Variants in TCF12 observed in about 807,000 individuals in gnomAD.
TCF12 encodes the protein DNA-binding protein HTF4.
In TCF12, 45 loss-of-function variants were observed where a neutral mutation model predicts 86.0. The ratio of observed to expected loss-of-function variants is 0.52; its 90% CI spans 0.41 to 0.67. The LOEUF is 0.67. Among genes scored for constraint, TCF12 ranks in the 30% least tolerant of loss-of-function variants. The pLI, the probability that TCF12 is intolerant of heterozygous loss-of-function variation, is 0.00. For synonymous variants in TCF12, 330 were observed against 299.6 expected, an observed-to-expected ratio of 1.10 and a Z score of -1.05; for missense variants, 881 against 859.9, an observed-to-expected ratio of 1.02 and a Z score of -0.31.
chr15:57,032,589 C>T (rs543754282), intron 3 of TCF12, among the ~76,000 whole-genome samples: 103 of 152,178 alleles, frequency 6.8e-4, no homozygotes, highest in African/African-American at 2.5e-3. Context: ...GGACTACAGG[C>T]ATATGCCACC....
At chr15:57,112,806 T>A (rs1394379414) in intron 5 of TCF12, among the ~76,000 whole-genome samples, 1 of 152,210 alleles carries the variant, frequency 6.6e-6, no homozygotes, top group East Asian at 1.9e-4. Context: ...TCAGACTTTG[T>A]ACTTAATAAG....
At chr15:57,151,373 GA>G (rs10711897) in intron 5 of TCF12, among the ~76,000 whole-genome samples, 140,796 of 151,860 alleles carry the variant, frequency 0.93, 65,731 homozygotes, top group Non-Finnish European at 0.98. Context: ...CACTTCAGAA[GA>G]AAAAAAATCA....
chr15:57,088,130 C>T (rs2048765256), intron 4 of TCF12, among the ~76,000 whole-genome samples: 2 of 152,194 alleles, frequency 1.3e-5, no homozygotes, highest in Admixed American at 1.3e-4. Flanking sequence ...CACTCGGGCT[C>T]CAACTTAACC....
At chr15:57,248,380 G>T (rs1468260737) in intron 13 of TCF12, among the ~76,000 whole-genome samples, 1 of 152,196 alleles carries the variant, frequency 6.6e-6, no homozygotes, top group South Asian at 2.1e-4. Context: ...GAATGGCTTT[G>T]TTTACTACAG....
chr15:57,233,649 C>A (rs1453717884), intron 11 of TCF12, among the ~76,000 whole-genome samples: 2 of 152,078 alleles, frequency 1.3e-5, no homozygotes, highest in Non-Finnish European at 2.9e-5. Flanking sequence ...AGCTAATTTT[C>A]CATTTTTAGC....
intron 5 of TCF12, among the ~76,000 whole-genome samples, chr15:57,094,472 C>G (rs1459105999): frequency 1.3e-5 from 2 of 152,280 alleles, no homozygotes; most frequent in South Asian, 2.1e-4. Context: ...GGCAATTCAA[C>G]TTGATATGAG....
At chr15:57,133,204 G>C (rs557593223) in intron 5 of TCF12, among the ~76,000 whole-genome samples, 1 of 152,322 alleles carries the variant, frequency 6.6e-6, no homozygotes, top group East Asian at 1.9e-4. Flanking sequence ...TGTTACCATT[G>C]ATCTGAGCCT....
intron 3 of TCF12, among the ~76,000 whole-genome samples, chr15:57,015,844 A>G (rs1241851189): frequency 6.6e-6 from 1 of 152,184 alleles, no homozygotes; most frequent in Non-Finnish European, 1.5e-5. Flanking sequence ...ATTGTAAACA[A>G]CACTTCTTTC....
At chr15:57,018,835 T>C (rs1729520043) in intron 3 of TCF12, among the ~76,000 whole-genome samples, 1 of 152,180 alleles carries the variant, frequency 6.6e-6, no homozygotes, top group Non-Finnish European at 1.5e-5. Flanking sequence ...GAAACAATAA[T>C]AACAAAAGTT....
intron 7 of TCF12, among the ~76,000 whole-genome samples, chr15:57,194,918 T>C (rs1350799576): frequency 6.6e-6 from 1 of 152,198 alleles, no homozygotes; most frequent in Non-Finnish European, 1.5e-5. Flanking sequence ...TTTTTCTTTT[T>C]TGAGACGGAG....
chr15:57,209,263 A>G (rs2058002871), intron 8 of TCF12, among the ~76,000 whole-genome samples: 1 of 152,116 alleles, frequency 6.6e-6, no homozygotes, highest in South Asian at 2.1e-4. Context: ...TATATGTCCC[A>G]TTTCTCCCTT....
rs764305194 is a variant in TCF12 at position 57,197,689 on chromosome 15, G to A, written c.527-84G>A. On this transcript the variant is annotated intron_variant, in intron 7 of 20. Coordinates refer to ENST00000333725, the MANE Select transcript of TCF12 (RefSeq NM_207037.2). ...ATATTGGAAAACAAGAAAGACGCTAGGGGAAAAGTTATTCTGTTAATTTGA... is the reference window on the plus strand; with the variant it reads ...ATATTGGAAAACAAGAAAGACGCTAAGGGAAAAGTTATTCTGTTAATTTGA... 10 of 1,496,900 alleles carry A rather than the reference G, an allele frequency of 6.7e-6. 1 individual carries two copies. The South Asian group carries it at 7.1e-5, about 11-fold the overall frequency. The allele number at this position is 1,496,900 out of a possible 1,614,324, so 92.7% of individuals were successfully genotyped here.
At chr15:57,256,301 G>T (rs1014502848) in intron 16 of TCF12, among the ~76,000 whole-genome samples, 1 of 152,130 alleles carries the variant, frequency 6.6e-6, no homozygotes, top group African/African-American at 2.4e-5. Flanking sequence ...GTTCTTTTCC[G>T]TGTCTGAGGG....
intron 3 of TCF12, among the ~76,000 whole-genome samples, chr15:56,951,291 A>G (rs1380570252): frequency 6.6e-6 from 1 of 152,068 alleles, no homozygotes. Context: ...GTGTTTTTCT[A>G]ATTACTAATG....
At chr15:57,285,923 G>T (rs1283990384) in intron 20 of TCF12, among the ~76,000 whole-genome samples, 1 of 152,152 alleles carries the variant, frequency 6.6e-6, no homozygotes, top group Non-Finnish European at 1.5e-5. Context: ...GCAAGACACT[G>T]TCTGAAAAGA....
In TCF12 at chr15:57,062,241, C is replaced by G. The variant is rs990518252; in HGVS notation, c.149-1509C>G. Among the ~76,000 whole-genome samples the G allele has an allele frequency of 3.9e-5, 6 of 152,206 alleles. 1 individual carries two copies. The South Asian group carries it at 1.0e-3, about 26-fold the overall frequency. ...AAAGTGCTAGGATTACAGGCGTGAG[C>G]CACGGTGCCCGGCCGGTAACAGTGT... On this transcript the variant is annotated intron_variant, in intron 3 of 20. Transcript: ENST00000333725.
At chr15:57,079,233 A>T (rs948323027) in intron 4 of TCF12, among the ~76,000 whole-genome samples, 1 of 152,232 alleles carries the variant, frequency 6.6e-6, no homozygotes, top group African/African-American at 2.4e-5. Flanking sequence ...ACATACACAC[A>T]TCAGAATAGA....
chr15:57,263,133 G>A lies in TCF12; in HGVS notation c.1604G>A (p.Gly535Glu). 1 of 1,610,250 alleles carries A rather than the reference G, an allele frequency of 6.2e-7. No individual in the cohort carries two copies. The highest frequency in any genetic ancestry group is 1.3e-5 in the African/African-American group (1 of 74,710). The change falls in exon 18 of 21, where the codon GGA becomes GAA. Residue 535 changes from glycine to glutamate, a missense_variant. Physicochemically the swap from Gly to Glu is moderately conservative, Grantham distance 98. Transcript: ENST00000333725. ...TTAGGTGGCTTGCAAAGTCAGTCTG[G>A]AACTGTTGTTACAACAGAAATCAAG... ...NYRGGLQSQSGTVVTTEIKTE... is the reference protein window; with the variant it reads ...NYRGGLQSQSETVVTTEIKTE...
chr15:56,962,927 T>A (rs890109041), intron 3 of TCF12, among the ~76,000 whole-genome samples: 3 of 152,164 alleles, frequency 2.0e-5, no homozygotes, highest in Non-Finnish European at 4.4e-5. Flanking sequence ...TGATGAAGTT[T>A]ATACAGAAGA....
Sources: gnomAD v4.1 joint callset for allele counts (sites outside exome capture counted in the v4.1 genomes callset) on GRCh38, gnomAD v4.1.1 for gene constraint, MANE v1.5 for transcripts, NCBI Gene and HGNC (gene_info 2026-07-23, HGNC 2026-07-21) for gene names.